VAT1L: variants seen among roughly 807,000 people sequenced by gnomAD.
The protein encoded by VAT1L is putative NADPH-dependent quinone oxidoreductase VAT1L.
VAT1L carries 34 observed loss-of-function variants against 44.1 expected under a neutral mutation model. The observed-to-expected ratio is 0.77, with a 90% confidence interval of 0.59 to 1.03. The LOEUF (loss-of-function observed/expected upper bound fraction) is 1.03, where lower values mean the gene tolerates loss of function less well. Ranked by LOEUF, VAT1L falls within the 50% of genes least tolerant of loss-of-function variation. VAT1L has a pLI of 0.00. For missense variants in VAT1L, 615 were observed against 538.8 expected (o/e 1.14, Z -1.40); for synonymous variants, 253 against 202.2 (o/e 1.25, Z -2.13).
Position 77,879,373 on chromosome 16 carries a change from C to G in VAT1L, c.882+149C>G. ...TGGCACGATCTCGGCTCATGGCAAC[C>G]TCCGACTCCCTGGTTCAAGCGATTC... On this transcript the variant is annotated intron_variant, in intron 6 of 8. Transcript: ENST00000302536. This position sits in a 1 kb window ranked among gnomAD's most constrained non-coding sequence, Gnocchi z 4.1. 1 of 797,822 alleles carries G rather than the reference C, an allele frequency of 1.3e-6. No individual in the cohort carries two copies. The highest frequency in any genetic ancestry group is 2.1e-6 in the Non-Finnish European group (1 of 481,404). 49.4% of individuals were successfully genotyped at this position (797,822 alleles called of 1,614,324 possible).
chr16:77,793,204 C>T (rs73574817), intron 1 of VAT1L, among the ~76,000 whole-genome samples: 1 of 152,148 alleles, frequency 6.6e-6, no homozygotes, highest in African/African-American at 2.4e-5. Flanking sequence ...CTTGATCTCC[C>T]TGGCTCAAGT....
At chr16:77,806,317 C>A (rs1317147228) in intron 1 of VAT1L, among the ~76,000 whole-genome samples, 4 of 152,182 alleles carry the variant, frequency 2.6e-5, no homozygotes, top group African/African-American at 4.8e-5. Context: ...TGAAGCCATT[C>A]TCCTGCCTCA....
At position 77,859,311 on chromosome 16, in the gene VAT1L, G is replaced by A. The variant is rs116480263; in HGVS notation, c.580-3437G>A. Among the ~76,000 whole-genome samples the A allele has an allele frequency of 2.0e-5, 3 of 152,150 alleles. No homozygotes were observed. The South Asian group carries it at 6.2e-4, about 32-fold the overall frequency. On this transcript the variant is annotated intron_variant, in intron 3 of 8. Coordinates refer to ENST00000302536, the MANE Select transcript of VAT1L (RefSeq NM_020927.3). ...ACCCTGTCTCTAATAACAAACAAAA[G>A]TAAGATGAAAGGTCATTCTGAGAAT...
intron 2 of VAT1L, among the ~76,000 whole-genome samples, chr16:77,821,383 C>G (rs977554932): frequency 2.0e-5 from 3 of 151,910 alleles, no homozygotes; most frequent in African/African-American, 4.8e-5. Flanking sequence ...TCACCACAAC[C>G]TCTGTCTCAC....
chr16:77,881,733 A>C (rs982456614), intron 6 of VAT1L, among the ~76,000 whole-genome samples: 1 of 152,220 alleles, frequency 6.6e-6, no homozygotes, highest in African/African-American at 2.4e-5. Context: ...AACCGACAGG[A>C]GGAGCAAGAA....
At chr16:77,867,742 C>T (rs1267722274) in intron 4 of VAT1L, among the ~76,000 whole-genome samples, 1 of 151,842 alleles carries the variant, frequency 6.6e-6, no homozygotes, top group Non-Finnish European at 1.5e-5. Context: ...ACCTGTAATC[C>T]CAGCTACTCA....
At position 77,855,295 on chromosome 16, in the gene VAT1L, G is replaced by C. The variant is rs57701652; in HGVS notation, c.580-7453G>C. Reference sequence around the variant, plus strand: ...GCAGAGGTTACGGTGAGCCGAGATCGTGCCACTGCACTCCAGCCTGGGCAA... The same window carrying C: ...GCAGAGGTTACGGTGAGCCGAGATCCTGCCACTGCACTCCAGCCTGGGCAA... On this transcript the variant is annotated intron_variant, in intron 3 of 8. Coordinates refer to ENST00000302536, the MANE Select transcript of VAT1L (RefSeq NM_020927.3). 1.9e-3 allele frequency among the ~76,000 whole-genome samples: 280 copies of C among 151,146 alleles called. 1 individual carries two copies. The highest frequency in any genetic ancestry group is 0.01 in the Middle Eastern group (3 of 294).
intron 4 of VAT1L, among the ~76,000 whole-genome samples, chr16:77,869,147 G>C (rs945490605): frequency 1.3e-5 from 2 of 152,190 alleles, no homozygotes; most frequent in East Asian, 3.9e-4. Flanking sequence ...GAAGGGGGAA[G>C]GGAGAGGCAG....
At chr16:77,968,965 C>T (rs949581597) in intron 7 of VAT1L, among the ~76,000 whole-genome samples, 1 of 151,990 alleles carries the variant, frequency 6.6e-6, no homozygotes, top group Non-Finnish European at 1.5e-5. Context: ...ATTACAGGCA[C>T]CCACCACCAC....
intron 3 of VAT1L, among the ~76,000 whole-genome samples, chr16:77,833,549 G>A (rs1186876888): frequency 2.0e-5 from 3 of 152,052 alleles, no homozygotes; most frequent in South Asian, 2.1e-4. Flanking sequence ...TCAGGAGTTC[G>A]AGACCATCCT....
chr16:77,953,460 T>A (rs773355435), intron 7 of VAT1L, among the ~76,000 whole-genome samples: 2 of 152,200 alleles, frequency 1.3e-5, no homozygotes, highest in Admixed American at 1.3e-4. Context: ...GTTTACTTGG[T>A]TGAAGTTATA....
intron 1 of VAT1L, among the ~76,000 whole-genome samples, chr16:77,814,523 T>C (rs760839991): frequency 2.0e-5 from 3 of 152,178 alleles, no homozygotes; most frequent in Non-Finnish European, 4.4e-5. Context: ...GGCAGCCCAG[T>C]TGAGCAGCGT....
Position 77,879,043 on chromosome 16 carries a change from G to C in VAT1L, c.827-126G>C. The C allele has an allele frequency of 2.2e-6, 2 of 895,366 alleles. No homozygotes were observed. The highest frequency in any genetic ancestry group is 1.6e-5 in the South Asian group (1 of 63,114). The allele number at this position is 895,366 out of a possible 1,614,324, so 55.5% of individuals were successfully genotyped here. Reference sequence around the variant, plus strand: ...TTCTCATTCCCCTCACTTTGCCAAGGCTTAATTAAATTTGTTTTCAAGATT... The same window carrying C: ...TTCTCATTCCCCTCACTTTGCCAAGCCTTAATTAAATTTGTTTTCAAGATT... On this transcript the variant is annotated intron_variant, in intron 5 of 8. Transcript: ENST00000302536. This position sits in a 1 kb window ranked among gnomAD's most constrained non-coding sequence, Gnocchi z 4.1.
intron 7 of VAT1L, among the ~76,000 whole-genome samples, chr16:77,931,889 A>G (rs1470944333): frequency 1.3e-5 from 2 of 151,704 alleles, no homozygotes; most frequent in Admixed American, 6.6e-5. Context: ...GCTATTTTTT[A>G]TAGGAAAACT....
At chr16:77,975,676 C>A (rs1352270609) in intron 8 of VAT1L, among the ~76,000 whole-genome samples, 1 of 152,228 alleles carries the variant, frequency 6.6e-6, no homozygotes, top group Non-Finnish European at 1.5e-5. Context: ...TCCTGGGAAA[C>A]ACTAAGAGTG....
chr16:77,923,070 T>C (rs2017629335), intron 7 of VAT1L, among the ~76,000 whole-genome samples: 1 of 152,178 alleles, frequency 6.6e-6, no homozygotes, highest in African/African-American at 2.4e-5. Flanking sequence ...CTCCCAGCTC[T>C]CAATTCCTCC....
rs573043352 is a variant in VAT1L at position 77,855,575 on chromosome 16, T to C, written c.580-7173T>C. 3.3e-5 allele frequency among the ~76,000 whole-genome samples: 5 copies of C among 152,310 alleles called. No homozygotes were observed. The East Asian group carries it at 5.8e-4, about 18-fold the overall frequency. On this transcript the variant is annotated intron_variant, in intron 3 of 8. Transcript: ENST00000302536. ...TGGTTCAGTGGAATTGGTGCTCTCATTCTCATGGTTTAGGAATATAATTGT... is the reference window on the plus strand; with the variant it reads ...TGGTTCAGTGGAATTGGTGCTCTCACTCTCATGGTTTAGGAATATAATTGT...
chr16:77,844,546 C>T (rs1032095367), intron 3 of VAT1L, among the ~76,000 whole-genome samples: 13 of 152,100 alleles, frequency 8.5e-5, no homozygotes, highest in African/African-American at 1.9e-4. Context: ...GTAGGTGGGA[C>T]TACAGGTGCC....
chr16:77,841,900 T>G (rs1328638049), intron 3 of VAT1L, among the ~76,000 whole-genome samples: 1 of 151,880 alleles, frequency 6.6e-6, no homozygotes, highest in East Asian at 1.9e-4. Flanking sequence ...TTTTTCTTTT[T>G]TTTTTGAGAC....
Sources: allele counts gnomAD v4.1 joint callset (sites outside exome capture counted in the v4.1 genomes callset), GRCh38; gene constraint gnomAD v4.1.1; non-coding constraint Gnocchi (gnomAD v3.1); transcripts MANE v1.5; gene names NCBI Gene and HGNC (gene_info 2026-07-23, HGNC 2026-07-21).